SEC14L5: variants seen among roughly 807,000 people sequenced by gnomAD.
SEC14L5 encodes the protein SEC14 like lipid binding 5.
In SEC14L5, 96 loss-of-function variants were observed where a neutral mutation model predicts 84.6. The ratio of observed to expected loss-of-function variants is 1.13; its 90% CI spans 0.96 to 1.34. The LOEUF is 1.34. SEC14L5 is among the 40% of genes most tolerant of loss of function. SEC14L5 has a pLI of 0.00. For synonymous variants in SEC14L5, 546 were observed against 383.4 expected (o/e 1.42, Z -4.95); for missense variants, 1,224 against 942.5 (o/e 1.30, Z -3.91).
chr16:4,961,694 A>T (rs570577555), intron 2 of SEC14L5, among the ~76,000 whole-genome samples: 4 of 152,138 alleles, frequency 2.6e-5, no homozygotes, highest in Non-Finnish European at 5.9e-5. Context: ...AATGATTGTA[A>T]ATATTTTCAG....
At chr16:4,976,076 C>T (rs1415181961) in intron 2 of SEC14L5, among the ~76,000 whole-genome samples, 2 of 152,158 alleles carry the variant, frequency 1.3e-5, no homozygotes, top group African/African-American at 2.4e-5. Flanking sequence ...TTGTACTTTA[C>T]AGAATCTCAC....
chr16:4,963,735 C>G (rs1017580151), intron 2 of SEC14L5, among the ~76,000 whole-genome samples: 1 of 152,194 alleles, frequency 6.6e-6, no homozygotes, highest in Non-Finnish European at 1.5e-5. Flanking sequence ...CTCACTGCAG[C>G]CTTGAACTCC....
chr16:4,996,253 T>G, intron 6 of SEC14L5, 95 bp from the exon 7 acceptor site: 1 of 743,662 alleles, frequency 1.3e-6, no homozygotes, highest in African/African-American at 1.7e-5. Flanking sequence ...CGTTTTAGAG[T>G]CAGTGAGGCA....
intron 15 of SEC14L5, among the ~76,000 whole-genome samples, chr16:5,012,671 G>A (rs142700692): frequency 2.6e-4 from 40 of 152,352 alleles, no homozygotes; most frequent in African/African-American, 8.2e-4. Context: ...TTGGGAAGCC[G>A]AGGTGGGTGG....
rs1465815604 is a variant in SEC14L5 at position 5,005,357 on chromosome 16, A to G, written c.1303-557A>G. Among the ~76,000 whole-genome samples the G allele has an allele frequency of 4.6e-5, 7 of 151,474 alleles. No homozygotes were observed. The East Asian group carries it at 1.2e-3, about 25-fold the overall frequency. On this transcript the variant is annotated intron_variant, in intron 11 of 15. Transcript: ENST00000251170. The stretch of plus-strand genomic sequence containing the variant: ...AGAAACGCCCAGAATAGGCAAATCC[A>G]CAGAGACAGAGTGTAGATGGGTGGT...
chr16:5,000,870 G>C lies in SEC14L5; in HGVS notation c.1075G>C (p.Glu359Gln). The C allele has an allele frequency of 6.2e-7, 1 of 1,607,460 alleles. No homozygotes were observed. The highest frequency in any genetic ancestry group is 8.5e-7 in the Non-Finnish European group (1 of 1,177,102). The change falls in exon 10 of 16, where the codon GAG (glutamate) becomes CAG (glutamine). Residue 359 changes from glutamate (E) to glutamine (Q), a missense_variant. Physicochemically the swap from Glu to Gln is conservative, Grantham distance 29 (BLOSUM62 2). Transcript: ENST00000251170. ...TCCCTTCCAGGTTCTCTCCGTCAAC[G>C]AGGAAGGACAGAAGCGGTGTGAGGG... ...ALLRHVLSVN[E>Q]EGQKRCEGST...
intron 2 of SEC14L5, among the ~76,000 whole-genome samples, chr16:4,970,650 C>T (rs1300671038): frequency 2.0e-5 from 3 of 152,226 alleles, no homozygotes; most frequent in South Asian, 2.1e-4. Context: ...CCGCTCCTGA[C>T]ACGTGAGTGA....
intron 8 of SEC14L5, among the ~76,000 whole-genome samples, chr16:4,999,418 A>G (rs1955651501): frequency 6.6e-6 from 1 of 152,186 alleles, no homozygotes; most frequent in Non-Finnish European, 1.5e-5. Context: ...CAGCCTGGGC[A>G]ACATAGTGAG....
intron 4 of SEC14L5, 142 bp from the exon 5 acceptor site, chr16:4,990,625 C>A: frequency 1.4e-6 from 1 of 722,918 alleles, no homozygotes; most frequent in Non-Finnish European, 2.1e-6. Flanking sequence ...CCCCTTGGTC[C>A]TGCTACCCCA....
rs371031145 is a variant in SEC14L5, at chr16:4,970,577, G to A, written c.63+11191G>A. On this transcript the variant is annotated intron_variant, in intron 2 of 15. Transcript: ENST00000251170. ...TGTCAAGCTGCTCTAGGCTGGCCTC[G>A]CTAAGTCATCCGCCCTCCCGGAGCC... is the stretch of plus-strand genomic sequence containing the variant. Among the ~76,000 whole-genome samples the A allele has an allele frequency of 2.8e-4, 43 of 152,292 alleles. No homozygotes were observed. In the East Asian group the frequency reaches 7.1e-3, roughly 25 times the overall value.
intron 12 of SEC14L5, among the ~76,000 whole-genome samples, chr16:5,006,837 G>T (rs532807448): frequency 6.6e-6 from 1 of 152,216 alleles, no homozygotes; most frequent in African/African-American, 2.4e-5. Context: ...CAAGTGAAAC[G>T]GGGTGGGGGT....
chr16:4,975,682 A>T (rs536848893), intron 2 of SEC14L5, among the ~76,000 whole-genome samples: 3 of 152,236 alleles, frequency 2.0e-5, no homozygotes, highest in African/African-American at 7.2e-5. Flanking sequence ...CTTTGGGTAG[A>T]TACCCATATT....
At chr16:5,012,818 C>G (rs1001018134) in intron 15 of SEC14L5, among the ~76,000 whole-genome samples, 14 of 151,876 alleles carry the variant, frequency 9.2e-5, no homozygotes, top group Non-Finnish European at 1.6e-4. Context: ...TGCCTTGAAC[C>G]CAGGAGGTGG....
rs1248908990 is a variant in SEC14L5, at chr16:5,019,101, C to T, written c.*4131C>T. The T allele has an allele frequency of 6.6e-6, 1 of 152,182 alleles. No homozygotes were observed. The highest frequency in any genetic ancestry group is 1.5e-5 in the Non-Finnish European group (1 of 68,058). 9.4% of individuals were successfully genotyped at this position (152,182 alleles called of 1,614,324 possible). On this transcript the variant is annotated 3_prime_UTR_variant, in exon 16 of 16. Coordinates refer to ENST00000251170, the MANE Select transcript of SEC14L5 (RefSeq NM_014692.2). ...CTGTGGCCTGCAGGCTGCACGCGGC[C>T]CCGGACTGCTTTGAATGTGCTCCAA...
At position 5,019,135 on chromosome 16, in the gene SEC14L5, C is replaced by T. The variant is rs573550041; in HGVS notation, c.*4165C>T. The stretch of plus-strand genomic sequence containing the variant: ...CTTTGAATGTGCTCCAACACGAGTT[C>T]GTAAACTTTCTTAAAATACTGAGGT... On this transcript the variant is annotated 3_prime_UTR_variant, in exon 16 of 16. Coordinates refer to ENST00000251170, the MANE Select transcript of SEC14L5 (RefSeq NM_014692.2). 5.9e-5 allele frequency: 9 copies of T among 152,234 alleles called. No homozygotes were observed. The East Asian group carries it at 9.6e-4, about 16-fold the overall frequency. The allele number at this position is 152,234 out of a possible 1,614,324, so 9.4% of individuals were successfully genotyped here.
intron 2 of SEC14L5, among the ~76,000 whole-genome samples, chr16:4,964,565 C>T (rs1479834994): frequency 6.6e-6 from 1 of 151,966 alleles, no homozygotes; most frequent in South Asian, 2.1e-4. Flanking sequence ...GCCTGGGTGA[C>T]AGAGTGTGAC....
At chr16:4,996,157 C>A (rs761099462) in intron 6 of SEC14L5, among the ~76,000 whole-genome samples, 191 bp from the exon 7 acceptor site, 2 of 152,124 alleles carry the variant, frequency 1.3e-5, no homozygotes, top group Admixed American at 6.6e-5. Context: ...TTTTCAGAAC[C>A]CCCTTGGACA....
At position 4,996,432 on chromosome 16, in the gene SEC14L5, A is replaced by G; in HGVS notation, c.752A>G (p.His251Arg). Residue 251 changes from histidine to arginine, a missense_variant, in exon 7 of 16, where the codon CAC (histidine) becomes CGC (arginine). Coordinates refer to ENST00000251170, the MANE Select transcript of SEC14L5 (RefSeq NM_014692.2). ...GAGAGCTGCCTGATCCAGCTTCGGCACTGGTTACAGGAGACCCACAAAGGC... is the reference window on the plus strand; with the variant it reads ...GAGAGCTGCCTGATCCAGCTTCGGCGCTGGTTACAGGAGACCCACAAAGGC... The part of the protein sequence containing the change: ...MQESCLIQLR[H>R]WLQETHKGKI... 6.4e-7 allele frequency: 1 copy of G among 1,571,486 alleles called. No individual in the cohort carries two copies. Among genetic ancestry groups the G allele is most frequent in the East Asian group, 2.4e-5 (1 of 42,194 alleles).
At chr16:5,008,296 G>A (rs1955756624) in intron 13 of SEC14L5, 125 bp from the exon 14 acceptor site, 1 of 684,496 alleles carries the variant, frequency 1.5e-6, no homozygotes, top group Non-Finnish European at 2.6e-6. Context: ...ACTCCTGTAA[G>A]GAATGAGCGT....
Sources: gnomAD v4.1 joint callset for allele counts (sites outside exome capture counted in the v4.1 genomes callset) on GRCh38, gnomAD v4.1.1 for gene constraint, MANE v1.5 for transcripts, NCBI Gene and HGNC (gene_info 2026-07-23, HGNC 2026-07-21) for gene names.